The following SLC7A11 variants were observed in gnomAD, a reference collection of about 807,000 sequenced individuals.
SLC7A11 encodes cystine/glutamate transporter.
Under a neutral mutation model 54.5 loss-of-function variants are expected in SLC7A11, and 35 were observed. That is an observed-to-expected ratio of 0.64 (90% CI 0.49 to 0.85). The LOEUF (loss-of-function observed/expected upper bound fraction) is 0.85. SLC7A11 is among the 40% of genes least tolerant of loss of function. SLC7A11 has a pLI of 0.00. For synonymous variants in SLC7A11, 230 were observed against 225.2 expected (o/e 1.02, Z -0.19); for missense variants, 583 against 618.1 (o/e 0.94, Z 0.60).
In SLC7A11 at chr4:138,187,958, TAGTG is replaced by T. The variant is rs1267883275; in HGVS notation, c.792-2718_792-2715del. On this transcript the variant is annotated intron_variant, in intron 6 of 11. Coordinates refer to ENST00000280612, the MANE Select transcript of SLC7A11 (RefSeq NM_014331.4). ...TCAGCCAAATATACTACACAGATAT[TAGTG>T]AGAAAAATAACAGCTTAAAATATAA... Among the ~76,000 whole-genome samples the T allele has an allele frequency of 1.8e-4, 27 of 152,232 alleles. No homozygotes were observed. The East Asian group carries it at 5.0e-3, about 28-fold the overall frequency.
intron 6 of SLC7A11, among the ~76,000 whole-genome samples, chr4:138,212,028 C>T (rs947596947): frequency 3.3e-5 from 5 of 151,696 alleles, no homozygotes; most frequent in African/African-American, 1.2e-4. Context: ...GAGAAATTTG[C>T]AATATTCTCA....
At chr4:138,176,031 C>T (rs1197344678) in intron 11 of SLC7A11, 5 of 152,118 alleles carry the variant, frequency 3.3e-5, no homozygotes, top group Non-Finnish European at 4.4e-5. Context: ...TTCTCTCTAA[C>T]AAAATGATCA....
At chr4:138,237,780 T>C (rs1738275028) in intron 1 of SLC7A11, among the ~76,000 whole-genome samples, 1 of 105,576 alleles carries the variant, frequency 9.5e-6, no homozygotes, top group Non-Finnish European at 1.8e-5. Flanking sequence ...AGATGGAGTC[T>C]CACTCTGTCC....
intron 6 of SLC7A11, among the ~76,000 whole-genome samples, chr4:138,189,557 C>T (rs1263056769): frequency 2.6e-5 from 4 of 152,010 alleles, no homozygotes; most frequent in African/African-American, 7.2e-5. Flanking sequence ...CCCCCAGGAC[C>T]TTTACATGCT....
At chr4:138,227,388 C>T (rs1737969427) in intron 3 of SLC7A11, among the ~76,000 whole-genome samples, 1 of 152,022 alleles carries the variant, frequency 6.6e-6, no homozygotes, top group African/African-American at 2.4e-5. Flanking sequence ...TAGCAACAAA[C>T]CCTTTAAAAA....
rs928558556 is a variant in SLC7A11, at chr4:138,204,653, C to T, written c.791+9932G>A. On this transcript the variant is annotated intron_variant, in intron 6 of 11. Coordinates refer to ENST00000280612, the MANE Select transcript of SLC7A11 (RefSeq NM_014331.4). ...GACTTCAGTAGAAACGCAAACAGTC[C>T]ATCCATTATATCAGCACAACCAGCC... Among the ~76,000 whole-genome samples, 12 of 151,576 alleles carry T rather than the reference C, an allele frequency of 7.9e-5. 1 individual carries two copies. The highest frequency in any genetic ancestry group is 1.6e-4 in the Non-Finnish European group (11 of 67,912).
At position 138,167,112 on chromosome 4, in the gene SLC7A11, G is replaced by A. The variant is rs1225608000; in HGVS notation, c.*4844C>T. ...ACTAATAAACTAAGGATGACCTAGAGAGCATACCTTTAGCTATTATTTAAA... is the reference window on the plus strand; with the variant it reads ...ACTAATAAACTAAGGATGACCTAGAAAGCATACCTTTAGCTATTATTTAAA... On this transcript the variant is annotated 3_prime_UTR_variant, in exon 12 of 12. Coordinates refer to ENST00000280612, the MANE Select transcript of SLC7A11 (RefSeq NM_014331.4). 2.0e-5 allele frequency: 3 copies of A among 147,714 alleles called. No individual in the cohort carries two copies. The highest frequency in any genetic ancestry group is 4.5e-5 in the Non-Finnish European group (3 of 66,992). The allele number at this position is 147,714 out of a possible 1,614,324, so 9.2% of individuals were successfully genotyped here.
chr4:138,227,093 A>C (rs146734607), intron 3 of SLC7A11, among the ~76,000 whole-genome samples: 1 of 152,306 alleles, frequency 6.6e-6, no homozygotes, highest in African/African-American at 2.4e-5. Context: ...AGGACTGGCA[A>C]GTATTTCTTT....
At chr4:138,201,389 T>C (rs1737282961) in intron 6 of SLC7A11, among the ~76,000 whole-genome samples, 1 of 151,990 alleles carries the variant, frequency 6.6e-6, no homozygotes, top group Non-Finnish European at 1.5e-5. Context: ...AGAGAAAGCA[T>C]ATAAGAAAGG....
intron 6 of SLC7A11, among the ~76,000 whole-genome samples, chr4:138,191,017 T>C (rs1736998579): frequency 6.6e-6 from 1 of 152,128 alleles, no homozygotes. Flanking sequence ...ATTAAAAACA[T>C]TATAAATGAA....
intron 6 of SLC7A11, among the ~76,000 whole-genome samples, chr4:138,202,947 GC>G (rs1737323208): frequency 6.6e-6 from 1 of 151,932 alleles, no homozygotes; most frequent in Non-Finnish European, 1.5e-5. Flanking sequence ...CCTTATACCT[GC>G]CCTTCACTTA....
intron 3 of SLC7A11, among the ~76,000 whole-genome samples, chr4:138,225,429 G>T (rs1327864120): frequency 6.6e-6 from 1 of 151,780 alleles, no homozygotes; most frequent in African/African-American, 2.4e-5. Context: ...AGCTACAGGG[G>T]CATCTAAGGG....
intron 6 of SLC7A11, among the ~76,000 whole-genome samples, chr4:138,197,848 G>A (rs1560725684): frequency 6.6e-6 from 1 of 151,218 alleles, no homozygotes; most frequent in Non-Finnish European, 1.5e-5. Flanking sequence ...AAGGCAAGTG[G>A]AATAGATTGC....
chr4:138,233,012 G>A (rs1340681737), intron 2 of SLC7A11, among the ~76,000 whole-genome samples: 1 of 151,806 alleles, frequency 6.6e-6, no homozygotes, highest in Non-Finnish European at 1.5e-5. Flanking sequence ...AAATATAAAT[G>A]AGACAAGAAT....
chr4:138,219,355 C>A lies in SLC7A11; in HGVS notation c.657G>T (p.Gln219His), dbSNP rs769987461. The A allele has an allele frequency of 5.0e-6, 8 of 1,595,138 alleles. No individual in the cohort carries two copies. The East Asian group carries it at 1.8e-4, about 36-fold the overall frequency. The part of the protein sequence containing the change: ...GVMQLIKGQT[Q>H]NFKDAFSGRD... ...TTCCTGAAAAGGCGTCTTTAAAGTT[C>A]TGCGTTTGACCTGTAATTAGAATAG... The change falls in exon 5 of 12, where the codon CAG (glutamine) becomes CAT (histidine). Residue 219 changes from glutamine to histidine, a missense_variant. Physicochemically the swap from Gln to His is conservative, Grantham distance 24 (BLOSUM62 0). Coordinates refer to ENST00000280612, the MANE Select transcript of SLC7A11 (RefSeq NM_014331.4).
chr4:138,172,590 T>C (rs538888324), intron 11 of SLC7A11, among the ~76,000 whole-genome samples: 1 of 152,248 alleles, frequency 6.6e-6, no homozygotes, highest in South Asian at 2.1e-4. Flanking sequence ...AAATGCATCT[T>C]TTCAAGCTCG....
intron 3 of SLC7A11, among the ~76,000 whole-genome samples, 186 bp downstream of exon 3, chr4:138,232,081 T>C (rs1344527655): frequency 1.3e-5 from 2 of 152,140 alleles, no homozygotes; most frequent in Non-Finnish European, 2.9e-5. Flanking sequence ...ATTGACCAAA[T>C]ACAAAACTGG....
intron 6 of SLC7A11, among the ~76,000 whole-genome samples, chr4:138,204,764 T>A (rs1426825700): frequency 1.3e-5 from 2 of 152,006 alleles, no homozygotes; most frequent in Non-Finnish European, 2.9e-5. Flanking sequence ...TCATTCTGAT[T>A]ACGATGTGTG....
intron 1 of SLC7A11, among the ~76,000 whole-genome samples, chr4:138,236,988 T>TC (rs1394659216): frequency 1.4e-5 from 2 of 141,238 alleles, no homozygotes; most frequent in Non-Finnish European, 3.1e-5. Context: ...GATTTCTTTT[T>TC]TTTTTTTTTT....
Sources: gnomAD v4.1 joint callset for allele counts (sites outside exome capture counted in the v4.1 genomes callset) on GRCh38, gnomAD v4.1.1 for gene constraint, MANE v1.5 for transcripts, NCBI Gene and HGNC (gene_info 2026-07-23, HGNC 2026-07-21) for gene names.